GCLC: variants seen among roughly 807,000 people sequenced by gnomAD.
GCLC encodes glutamate-cysteine ligase catalytic subunit, also known as glutamate--cysteine ligase catalytic subunit.
GCLC carries 30 observed loss-of-function variants against 81.5 expected under a neutral mutation model. The observed-to-expected ratio is 0.37, with a 90% confidence interval of 0.28 to 0.50. The LOEUF is 0.50. Among genes scored for constraint, GCLC ranks in the 20% least tolerant of loss-of-function variants. GCLC has a pLI of 0.96. For missense variants in GCLC, 556 were observed against 777.4 expected (o/e 0.72, Z 3.39); for synonymous variants, 262 against 273.3 (o/e 0.96, Z 0.41).
At chr6:53,533,024 T>A (rs1473353427) in intron 1 of GCLC, among the ~76,000 whole-genome samples, 1 of 152,182 alleles carries the variant, frequency 6.6e-6, no homozygotes, top group Non-Finnish European at 1.5e-5. Flanking sequence ...TAAAGATATA[T>A]CAAATATGAA....
intron 1 of GCLC, among the ~76,000 whole-genome samples, chr6:53,525,125 AG>A: frequency 6.6e-6 from 1 of 152,352 alleles, no homozygotes; most frequent in East Asian, 1.9e-4. Context: ...GGAAGCCTCA[AG>A]AATTTCCTGA....
intron 1 of GCLC, among the ~76,000 whole-genome samples, chr6:53,523,616 A>G (rs1763034747): frequency 6.6e-6 from 1 of 152,198 alleles, no homozygotes; most frequent in Non-Finnish European, 1.5e-5. Context: ...CCCAGCACGA[A>G]GCCTGTGACT....
chr6:53,510,149 GT>G (rs1030619923), intron 6 of GCLC: 3 of 152,382 alleles, frequency 2.0e-5, no homozygotes, highest in African/African-American at 7.2e-5. Context: ...GATGGCTTAG[GT>G]TTTGGCTTGG....
In GCLC at chr6:53,544,818, C is replaced by T. The variant is rs1763423058; in HGVS notation, c.-173G>A. ...CCTGCCCGCTCCGGCTCCCCGGCGG[C>T]GGCCCCTGGCGCCCAGGTGACAGAC... On this transcript the variant is annotated 5_prime_UTR_variant, in exon 1 of 16. Coordinates refer to ENST00000650454, the MANE Select transcript of GCLC (RefSeq NM_001498.4). 5 of 523,452 alleles carry T rather than the reference C, an allele frequency of 9.6e-6. No individual in the cohort carries two copies. The highest frequency in any genetic ancestry group is 4.1e-5 in the African/African-American group (2 of 49,124). 32.4% of individuals were successfully genotyped at this position (523,452 alleles called of 1,614,324 possible). A position where few individuals can be genotyped will look rare whatever the true frequency, so the allele number is the denominator to read the frequency against.
intron 12 of GCLC, among the ~76,000 whole-genome samples, chr6:53,503,917 A>G (rs1581728571): frequency 6.6e-6 from 1 of 152,224 alleles, no homozygotes; most frequent in Non-Finnish European, 1.5e-5. Context: ...GATATTCAAC[A>G]TCTGCTCTAC....
intron 1 of GCLC, among the ~76,000 whole-genome samples, chr6:53,525,140 T>G (rs1763058136): frequency 6.6e-6 from 1 of 152,166 alleles, no homozygotes; most frequent in African/African-American, 2.4e-5. Context: ...TTCCTGACGG[T>G]TTTTCAAACT....
intron 1 of GCLC, among the ~76,000 whole-genome samples, chr6:53,525,722 T>C (rs1398913282): frequency 6.6e-6 from 1 of 152,124 alleles, no homozygotes; most frequent in Non-Finnish European, 1.5e-5. Flanking sequence ...TATAAATGGG[T>C]TGCAGAGTGA....
intron 1 of GCLC, among the ~76,000 whole-genome samples, chr6:53,531,837 A>G (rs1208869427): frequency 6.6e-6 from 1 of 152,120 alleles, no homozygotes; most frequent in Admixed American, 6.5e-5. Context: ...AGCAGCCTTA[A>G]TTTTCCCTAA....
chr6:53,507,358 G>C, intron 9 of GCLC, 122 bp downstream of exon 9: 1 of 918,600 alleles, frequency 1.1e-6, no homozygotes. Flanking sequence ...AGCCTCATGA[G>C]AGAAGTTAAA....
At chr6:53,507,061 G>T in intron 9 of GCLC, 36 bp from the exon 10 acceptor site, 1 of 1,104,702 alleles carries the variant, frequency 9.1e-7, no homozygotes, top group Non-Finnish European at 1.4e-6. Flanking sequence ...TCACTGCAAA[G>T]CGAGAGATAC....
chr6:53,506,544 A>C lies in GCLC; in HGVS notation c.1197+369T>G, dbSNP rs1189816209. 1 of 256,724 alleles carries C rather than the reference A, an allele frequency of 3.9e-6. No individual in the cohort carries two copies. Among genetic ancestry groups the C allele is most frequent in the Non-Finnish European group, 7.5e-6 (1 of 133,148 alleles). 15.9% of individuals were successfully genotyped at this position (256,724 alleles called of 1,614,324 possible). ...AAATAAATCTATGAGAAGTCTATCT[A>C]CAAAAAAAAAAGGTGATATGTCTGA... On this transcript the variant is annotated intron_variant, in intron 10 of 15. Transcript: ENST00000650454. The surrounding 1 kb of genome is among the most constrained non-coding windows in gnomAD (Gnocchi z 4.0).
chr6:53,506,818 A>G lies in GCLC; in HGVS notation c.1197+95T>C. On this transcript the variant is annotated intron_variant, in intron 10 of 15. Coordinates refer to ENST00000650454, the MANE Select transcript of GCLC (RefSeq NM_001498.4). This position sits in a 1 kb window ranked among gnomAD's most constrained non-coding sequence, Gnocchi z 4.0. ...CACAGGTACAGAAAACTGCCTCCCC[A>G]TGTTGGTTTGTGAAGTGAAATGCAT... The G allele has an allele frequency of 1.4e-6, 1 of 737,406 alleles. No individual in the cohort carries two copies. Among genetic ancestry groups the G allele is most frequent in the Non-Finnish European group, 2.5e-6 (1 of 406,318 alleles). 45.7% of individuals were successfully genotyped at this position (737,406 alleles called of 1,614,324 possible).
At chr6:53,521,124 A>C (rs1345152419) in intron 2 of GCLC, among the ~76,000 whole-genome samples, 164 bp from the exon 3 acceptor site, 1 of 152,180 alleles carries the variant, frequency 6.6e-6, no homozygotes, top group African/African-American at 2.4e-5. Flanking sequence ...TAGCTATTCA[A>C]CTACATAAGG....
At chr6:53,511,089 A>AGAAG (rs968608686) in intron 6 of GCLC, among the ~76,000 whole-genome samples, 2 of 151,846 alleles carry the variant, frequency 1.3e-5, no homozygotes, top group African/African-American at 4.8e-5. Context: ...TTGCTGAAGT[A>AGAAG]GAAGCTCCAG....
chr6:53,514,095 TCAA>T, intron 6 of GCLC, 106 bp downstream of exon 6: 1 of 1,051,728 alleles, frequency 9.5e-7, no homozygotes, highest in Non-Finnish European at 1.5e-6. Context: ...AGCTACCATT[TCAA>T]CCTCATTAAA....
intron 3 of GCLC, among the ~76,000 whole-genome samples, chr6:53,517,066 C>CT (rs1450981470): frequency 1.6e-5 from 2 of 128,356 alleles, no homozygotes; most frequent in African/African-American, 2.9e-5. Context: ...TAGCTCATAT[C>CT]TTTTAAAAAA....
At position 53,506,129 on chromosome 6, in the gene GCLC, C is replaced by T. The variant is rs954159002; in HGVS notation, c.1198-234G>A. The T allele has an allele frequency of 1.3e-5, 6 of 465,310 alleles. No individual in the cohort carries two copies. Among genetic ancestry groups the T allele is most frequent in the African/African-American group, 9.9e-5 (5 of 50,390 alleles). 28.8% of individuals were successfully genotyped at this position (465,310 alleles called of 1,614,324 possible). On this transcript the variant is annotated intron_variant, in intron 10 of 15. Coordinates refer to ENST00000650454, the MANE Select transcript of GCLC (RefSeq NM_001498.4). This position sits in a 1 kb window ranked among gnomAD's most constrained non-coding sequence, Gnocchi z 4.0. ...CCTATCACTGCAAGCTTAATCTCAC[C>T]CAGCTCCTACTCCCTATCTCCCAGC...
intron 2 of GCLC, among the ~76,000 whole-genome samples, chr6:53,521,835 G>A (rs955649430): frequency 1.1e-4 from 17 of 152,112 alleles, no homozygotes; most frequent in African/African-American, 3.6e-4. Context: ...TTAGCCAGGC[G>A]TGGTGGCGGG....
chr6:53,543,175 A>T (rs1225232202), intron 1 of GCLC, among the ~76,000 whole-genome samples: 1 of 152,240 alleles, frequency 6.6e-6, no homozygotes, highest in Non-Finnish European at 1.5e-5. Context: ...AACAGAGGTG[A>T]ACAAGCATAA....
Sources: gnomAD v4.1 joint callset for allele counts (sites outside exome capture counted in the v4.1 genomes callset) on GRCh38, gnomAD v4.1.1 for gene constraint, Gnocchi (gnomAD v3.1) non-coding constraint, MANE v1.5 for transcripts, NCBI Gene and HGNC (gene_info 2026-07-23, HGNC 2026-07-21) for gene names.